The following CCSER1 variants were observed in gnomAD, a reference collection of about 807,000 sequenced individuals.
The protein encoded by CCSER1 is coiled-coil serine rich protein 1, also known as serine-rich coiled-coil domain-containing protein 1.
CCSER1 carries 41 observed loss-of-function variants against 82.0 expected under a neutral mutation model. That is an observed-to-expected ratio of 0.50 (90% CI 0.39 to 0.65). The LOEUF is 0.65. CCSER1 is among the 30% of genes least tolerant of loss of function. The probability of loss-of-function intolerance (pLI) is 0.00; values close to 1 mark genes in which losing one functional copy is unlikely to be tolerated. For synonymous variants in CCSER1, 414 were observed against 383.9 expected, an observed-to-expected ratio of 1.08 and a Z score of -0.92; for missense variants, 1,119 against 1,064.2, an observed-to-expected ratio of 1.05 and a Z score of -0.72.
intron 10 of CCSER1, among the ~76,000 whole-genome samples, chr4:91,230,983 A>C (rs1738583422): frequency 6.6e-6 from 1 of 151,890 alleles, no homozygotes; most frequent in Non-Finnish European, 1.5e-5. Flanking sequence ...TAGGGTACAA[A>C]GAAAATAAAA....
intron 3 of CCSER1, among the ~76,000 whole-genome samples, chr4:90,363,848 T>A (rs1265174045): frequency 6.6e-6 from 1 of 152,086 alleles, no homozygotes; most frequent in Non-Finnish European, 1.5e-5. Flanking sequence ...TGTGGAAAAA[T>A]TTTCCTATAG....
chr4:91,168,988 G>T (rs1170636900), intron 10 of CCSER1, among the ~76,000 whole-genome samples: 6 of 151,988 alleles, frequency 3.9e-5, no homozygotes, highest in Non-Finnish European at 7.4e-5. Context: ...TTAAACAGAT[G>T]CTTGAAGGCA....
At chr4:90,290,416 G>A (rs188006845) in intron 1 of CCSER1, among the ~76,000 whole-genome samples, 4 of 151,894 alleles carry the variant, frequency 2.6e-5, no homozygotes, top group African/African-American at 9.6e-5. Context: ...GTCTCTTTTA[G>A]GTTTTCCTTC....
intron 4 of CCSER1, among the ~76,000 whole-genome samples, chr4:90,414,842 A>G (rs1449621742): frequency 1.3e-5 from 2 of 152,208 alleles, no homozygotes; most frequent in African/African-American, 2.4e-5. Context: ...AATTTGTCTA[A>G]GGAAAAATAC....
At chr4:90,451,537 G>T (rs1054721828) in intron 4 of CCSER1, among the ~76,000 whole-genome samples, 7 of 152,300 alleles carry the variant, frequency 4.6e-5, no homozygotes, top group African/African-American at 1.7e-4. Flanking sequence ...CTTTATCAAG[G>T]TGAAAGGCTT....
intron 8 of CCSER1, among the ~76,000 whole-genome samples, chr4:90,839,970 A>T (rs2149867105): frequency 6.6e-6 from 1 of 152,172 alleles, no homozygotes; most frequent in South Asian, 2.1e-4. Context: ...AGTTATTGTA[A>T]TAAATTAATA....
intron 4 of CCSER1, among the ~76,000 whole-genome samples, chr4:90,401,756 T>C (rs1216465328): frequency 3.3e-5 from 5 of 152,154 alleles, no homozygotes; most frequent in Non-Finnish European, 7.4e-5. Flanking sequence ...CTTGAACTCT[T>C]AGGCTCAAAA....
chr4:90,483,759 C>T (rs1486694805), intron 5 of CCSER1, among the ~76,000 whole-genome samples: 1 of 152,208 alleles, frequency 6.6e-6, no homozygotes, highest in Non-Finnish European at 1.5e-5. Context: ...GTGTGATGGG[C>T]TTCCCTTTGT....
intron 10 of CCSER1, among the ~76,000 whole-genome samples, chr4:91,126,844 T>C (rs1395381319): frequency 6.6e-6 from 1 of 151,890 alleles, no homozygotes; most frequent in African/African-American, 2.4e-5. Context: ...AACAAAAATC[T>C]ATATTAAAAT....
chr4:90,215,978 GATA>G (rs551052402), intron 1 of CCSER1, among the ~76,000 whole-genome samples: 19 of 152,116 alleles, frequency 1.2e-4, no homozygotes, highest in East Asian at 5.8e-4. Context: ...TATGTACGTG[GATA>G]ATATCTAATG....
intron 9 of CCSER1, among the ~76,000 whole-genome samples, chr4:91,062,943 G>A (rs187932550): frequency 6.6e-5 from 10 of 152,122 alleles, no homozygotes; most frequent in African/African-American, 2.4e-4. Flanking sequence ...ATTCTGAAAA[G>A]CAAAATTCCT....
chr4:90,789,924 T>C (rs996644769), intron 7 of CCSER1, among the ~76,000 whole-genome samples: 29 of 152,214 alleles, frequency 1.9e-4, no homozygotes, highest in Non-Finnish European at 3.8e-4. Flanking sequence ...GAACTCATTA[T>C]ATATTTTACC....
chr4:91,406,556 G>T (rs77069814), intron 10 of CCSER1, among the ~76,000 whole-genome samples: 58 of 152,214 alleles, frequency 3.8e-4, no homozygotes, highest in African/African-American at 1.3e-3. Context: ...ACAAATACAC[G>T]CTAGTAAATT....
At chr4:91,437,429 C>T (rs1346497539) in intron 10 of CCSER1, among the ~76,000 whole-genome samples, 1 of 152,104 alleles carries the variant, frequency 6.6e-6, no homozygotes, top group Non-Finnish European at 1.5e-5. Context: ...TCAAACAGCT[C>T]TAATAATAAA....
chr4:90,365,825 C>T (rs986814144), intron 3 of CCSER1, among the ~76,000 whole-genome samples: 1 of 151,782 alleles, frequency 6.6e-6, no homozygotes, highest in Non-Finnish European at 1.5e-5. Flanking sequence ...GATAAGTGAG[C>T]AAACATTTGT....
At chr4:90,328,518 A>G (rs1738636146) in intron 3 of CCSER1, among the ~76,000 whole-genome samples, 1 of 152,196 alleles carries the variant, frequency 6.6e-6, no homozygotes, top group Admixed American at 6.5e-5. Flanking sequence ...AATGTAATAC[A>G]TTGTAATACT....
chr4:90,312,007 A>G (rs1735372627), intron 2 of CCSER1, among the ~76,000 whole-genome samples: 3 of 152,216 alleles, frequency 2.0e-5, no homozygotes, highest in Admixed American at 6.5e-5. Context: ...TGCTGAGGGT[A>G]AGTTTAAAGC....
chr4:90,327,563 G>A (rs539948924), intron 3 of CCSER1, among the ~76,000 whole-genome samples: 2 of 152,170 alleles, frequency 1.3e-5, no homozygotes, highest in East Asian at 1.9e-4. Context: ...GCAAACAGTC[G>A]TGACACTTGC....
intron 8 of CCSER1, among the ~76,000 whole-genome samples, chr4:90,831,846 C>G (rs1020564054): frequency 6.6e-6 from 1 of 151,976 alleles, no homozygotes; most frequent in East Asian, 1.9e-4. Flanking sequence ...ATTATGTTAC[C>G]TAATATTCCA....
Sources: gnomAD v4.1 joint callset for allele counts (sites outside exome capture counted in the v4.1 genomes callset) on GRCh38, gnomAD v4.1.1 for gene constraint, MANE v1.5 for transcripts, NCBI Gene and HGNC (gene_info 2026-07-23, HGNC 2026-07-21) for gene names.